The following PDLIM5 variants were observed in gnomAD, a reference collection of about 807,000 sequenced individuals.
PDLIM5 encodes the protein PDZ and LIM domain 5, also known as PDZ and LIM domain protein 5.
Under a neutral mutation model 64.2 loss-of-function variants are expected in PDLIM5, and 34 were observed. The observed-to-expected ratio is 0.53, with a 90% CI of 0.40 to 0.71. The LOEUF (loss-of-function observed/expected upper bound fraction) is 0.71. Among genes scored for constraint, PDLIM5 ranks in the 30% least tolerant of loss-of-function variants. The probability of loss-of-function intolerance (pLI) is 0.00; values close to 1 mark genes in which losing one functional copy is unlikely to be tolerated. For missense variants in PDLIM5, 683 were observed against 733.6 expected (o/e 0.93, Z 0.80); for synonymous variants, 253 against 269.1 (o/e 0.94, Z 0.59).
At chr4:94,591,744 C>T (rs1473380372) in intron 7 of PDLIM5, among the ~76,000 whole-genome samples, 1 of 152,244 alleles carries the variant, frequency 6.6e-6, no homozygotes, top group Non-Finnish European at 1.5e-5. Context: ...ACCTCTCCTA[C>T]CCACTCCTGC....
At chr4:94,639,511 C>G (rs936245602) in intron 8 of PDLIM5, among the ~76,000 whole-genome samples, 2 of 152,104 alleles carry the variant, frequency 1.3e-5, no homozygotes, top group African/African-American at 4.8e-5. Context: ...ATCAAACCAG[C>G]AGGACCTATT....
intron 9 of PDLIM5, 126 bp from the exon 10 acceptor site, chr4:94,654,334 C>CA (rs1742054801): frequency 1.5e-6 from 1 of 678,334 alleles, no homozygotes; most frequent in Admixed American, 2.3e-5. Context: ...CCCATGAGTT[C>CA]AGTCCTTAAG....
At chr4:94,613,368 C>T (rs993715531) in intron 7 of PDLIM5, among the ~76,000 whole-genome samples, 2 of 152,058 alleles carry the variant, frequency 1.3e-5, no homozygotes, top group Non-Finnish European at 2.9e-5. Flanking sequence ...CTTAAAATTC[C>T]CAAGTATTCT....
At chr4:94,570,372 T>C (rs1351333828) in intron 3 of PDLIM5, among the ~76,000 whole-genome samples, 1 of 152,170 alleles carries the variant, frequency 6.6e-6, no homozygotes, top group Non-Finnish European at 1.5e-5. Flanking sequence ...TTAGTTCCTA[T>C]AGTAAGATAG....
At chr4:94,572,782 T>G (rs140696698) in intron 3 of PDLIM5, among the ~76,000 whole-genome samples, 1 of 152,238 alleles carries the variant, frequency 6.6e-6, no homozygotes, top group East Asian at 1.9e-4. Flanking sequence ...GGACCTACAG[T>G]TTACTTTTAG....
chr4:94,564,532 G>C (rs1237271831), intron 3 of PDLIM5, among the ~76,000 whole-genome samples: 1 of 152,042 alleles, frequency 6.6e-6, no homozygotes, highest in South Asian at 2.1e-4. Flanking sequence ...GTATAAAATA[G>C]TGTGTCCTTT....
chr4:94,531,523 A>G (rs1730867064), intron 3 of PDLIM5, among the ~76,000 whole-genome samples: 1 of 152,194 alleles, frequency 6.6e-6, no homozygotes, highest in Non-Finnish European at 1.5e-5. Flanking sequence ...TGATGAGCTT[A>G]AAGTAGTCAC....
intron 1 of PDLIM5, 138 bp from the exon 2 acceptor site, chr4:94,455,109 A>C: frequency 2.0e-6 from 1 of 500,526 alleles, no homozygotes; most frequent in Non-Finnish European, 3.6e-6. Flanking sequence ...TGCTTTTCTT[A>C]AACTGAAATT....
intron 2 of PDLIM5, among the ~76,000 whole-genome samples, chr4:94,475,085 A>G (rs1355669672): frequency 6.6e-6 from 1 of 152,108 alleles, no homozygotes; most frequent in Admixed American, 6.5e-5. Context: ...TATCCCACTG[A>G]AAAGTTTTAT....
At chr4:94,585,355 G>A (rs1403767942) in intron 5 of PDLIM5, among the ~76,000 whole-genome samples, 1 of 152,110 alleles carries the variant, frequency 6.6e-6, no homozygotes, top group Non-Finnish European at 1.5e-5. Context: ...CTCCCAAAGT[G>A]CTGGGATTAC....
In PDLIM5 at chr4:94,666,216, T is replaced by A. The variant is rs974991819; in HGVS notation, c.*2149T>A. The A allele has an allele frequency of 1.9e-6, 1 of 514,524 alleles. No individual in the cohort carries two copies. Among genetic ancestry groups the A allele is most frequent in the Admixed American group, 3.7e-5 (1 of 26,676 alleles). The allele number at this position is 514,524 out of a possible 1,614,324, so 31.9% of individuals were successfully genotyped here. On this transcript the variant is annotated 3_prime_UTR_variant, in exon 13 of 13. Transcript: ENST00000317968. ...ATTTGTTTAACCTCCCTAAGAACTT[T>A]CAAGGCATCTGTCCTGAAAGCTGTT...
intron 2 of PDLIM5, among the ~76,000 whole-genome samples, chr4:94,505,515 G>T (rs1362065102): frequency 6.6e-6 from 1 of 152,098 alleles, no homozygotes; most frequent in Non-Finnish European, 1.5e-5. Flanking sequence ...GCCCACCTCA[G>T]CCTCCCAAAG....
chr4:94,661,684 C>A (rs918942334), intron 11 of PDLIM5, among the ~76,000 whole-genome samples: 1 of 152,172 alleles, frequency 6.6e-6, no homozygotes, highest in Admixed American at 6.5e-5. Flanking sequence ...TTGACCAAGT[C>A]AGATACGCTA....
chr4:94,479,580 C>T (rs1318074890), intron 2 of PDLIM5, among the ~76,000 whole-genome samples: 1 of 151,854 alleles, frequency 6.6e-6, no homozygotes, highest in African/African-American at 2.4e-5. Flanking sequence ...ATCTGCCTGT[C>T]TTGGCCTCCC....
chr4:94,525,068 A>G lies in PDLIM5; in HGVS notation c.248+1193A>G, dbSNP rs868678242. Among the ~76,000 whole-genome samples the G allele has an allele frequency of 4.6e-5, 7 of 152,208 alleles. No homozygotes were observed. The South Asian group carries it at 1.4e-3, about 32-fold the overall frequency. ...TCCCTCCCCAATCTCTTCCATAATTATATTGCATATAATTATCTTAGTCTT... is the reference window on the plus strand; with the variant it reads ...TCCCTCCCCAATCTCTTCCATAATTGTATTGCATATAATTATCTTAGTCTT... On this transcript the variant is annotated intron_variant, in intron 3 of 12. Transcript: ENST00000317968.
chr4:94,658,351 A>G (rs1189362055), intron 11 of PDLIM5, among the ~76,000 whole-genome samples: 1 of 152,218 alleles, frequency 6.6e-6, no homozygotes, highest in Non-Finnish European at 1.5e-5. Context: ...AAAAGGACCT[A>G]TCTACTGCAT....
intron 2 of PDLIM5, among the ~76,000 whole-genome samples, chr4:94,477,827 TCTC>T (rs1725460340): frequency 6.6e-6 from 1 of 152,076 alleles, no homozygotes; most frequent in Non-Finnish European, 1.5e-5. Flanking sequence ...CAATCCCTCC[TCTC>T]CTCCTCAGAC....
intron 2 of PDLIM5, among the ~76,000 whole-genome samples, chr4:94,499,461 A>C (rs1048647198): frequency 6.6e-6 from 1 of 152,214 alleles, no homozygotes; most frequent in Admixed American, 6.5e-5. Flanking sequence ...TGTGGATTGA[A>C]AATGTTTGGA....
chr4:94,628,940 C>T (rs1259987298), intron 8 of PDLIM5, among the ~76,000 whole-genome samples: 1 of 150,276 alleles, frequency 6.7e-6, no homozygotes, highest in East Asian at 1.9e-4. Context: ...CAATTTTATT[C>T]TTTTTTATTT....
Sources: allele counts gnomAD v4.1 joint callset (sites outside exome capture counted in the v4.1 genomes callset), GRCh38; gene constraint gnomAD v4.1.1; transcripts MANE v1.5; gene names NCBI Gene and HGNC (gene_info 2026-07-23, HGNC 2026-07-21).